ZNF107: variants seen among roughly 807,000 people sequenced by gnomAD.
The protein encoded by ZNF107 is C2H2 type zinc-finger protein.
ZNF107 carries 19 observed loss-of-function variants against 12.3 expected under a neutral mutation model. The observed-to-expected ratio is 1.55, with a 90% confidence interval of 1.08 to 2.27. The LOEUF (loss-of-function observed/expected upper bound fraction) is 2.27, where lower values mean the gene tolerates loss of function less well. ZNF107 is among the 30% of genes most tolerant of loss of function. The probability of loss-of-function intolerance (pLI) is 0.00; values close to 1 mark genes in which losing one functional copy is unlikely to be tolerated. For synonymous variants in ZNF107, 317 were observed against 330.5 expected (o/e 0.96, Z 0.44); for missense variants, 958 against 979.9 (o/e 0.98, Z 0.30).
intron 3 of ZNF107, among the ~76,000 whole-genome samples, chr7:64,698,455 T>C (rs1457045965): frequency 6.6e-6 from 1 of 152,002 alleles, no homozygotes; most frequent in East Asian, 1.9e-4. Flanking sequence ...ACTGTCTTGC[T>C]CTTGTTGCCC....
At chr7:64,701,870 C>T (rs1790488145) in intron 3 of ZNF107, among the ~76,000 whole-genome samples, 1 of 152,088 alleles carries the variant, frequency 6.6e-6, no homozygotes, top group Non-Finnish European at 1.5e-5. Context: ...TTCAGCCCAC[C>T]TTGGCCTCCC....
At chr7:64,670,135 A>G (rs1387491027) in intron 1 of ZNF107, among the ~76,000 whole-genome samples, 1 of 152,216 alleles carries the variant, frequency 6.6e-6, no homozygotes, top group Non-Finnish European at 1.5e-5. Flanking sequence ...TGAAGTTGTT[A>G]TCGTTTTGAG....
chr7:64,708,339 C>A lies in ZNF107; in HGVS notation c.2242C>A (p.Leu748Ile). The change falls in exon 4 of 4, where the codon CTT (leucine) becomes ATT (isoleucine). Residue 748 changes from leucine (L) to isoleucine (I), a missense_variant. Leu to Ile is a conservative substitution (Grantham distance 5, BLOSUM62 2). Transcript: ENST00000620827. ...CAAAGCTTTTAACCTATCCTCAACC[C>A]TTACTGCACATAAGAAAATTCATAC... ...CGKAFNLSST[L>I]TAHKKIHTGE... The A allele has an allele frequency of 6.2e-7, 1 of 1,613,134 alleles. No individual in the cohort carries two copies. The highest frequency in any genetic ancestry group is 8.5e-7 in the Non-Finnish European group (1 of 1,179,724).
intron 3 of ZNF107, among the ~76,000 whole-genome samples, chr7:64,695,933 G>A (rs551813911): frequency 4.7e-4 from 72 of 152,176 alleles, no homozygotes; most frequent in African/African-American, 1.7e-3. Flanking sequence ...CTATTGAAGT[G>A]TACATTTCAA....
intron 1 of ZNF107, among the ~76,000 whole-genome samples, chr7:64,687,801 G>A (rs28497834): frequency 0.087 from 13,291 of 152,182 alleles, 920 homozygotes; most frequent in East Asian, 0.27. Context: ...TGGTTGAATT[G>A]TGTAATAAAA....
chr7:64,686,502 A>G, intron 1 of ZNF107: 1 of 985,374 alleles, frequency 1.0e-6, no homozygotes, highest in Non-Finnish European at 1.2e-6. Flanking sequence ...CGCTCGAAGA[A>G]TCCCTGAGAA....
intron 3 of ZNF107, among the ~76,000 whole-genome samples, chr7:64,696,094 G>T (rs1042240716): frequency 6.6e-6 from 1 of 151,036 alleles, no homozygotes; most frequent in African/African-American, 2.4e-5. Flanking sequence ...ATGGAGTCTC[G>T]CTCTGTTGCC....
intron 3 of ZNF107, among the ~76,000 whole-genome samples, chr7:64,702,165 T>TG (rs1195544769): frequency 6.6e-6 from 1 of 152,096 alleles, no homozygotes; most frequent in Non-Finnish European, 1.5e-5. Flanking sequence ...ATTTTTTTTT[T>TG]TGAGACGGAG....
chr7:64,692,540 T>C (rs961013701), intron 3 of ZNF107, among the ~76,000 whole-genome samples: 7 of 152,306 alleles, frequency 4.6e-5, no homozygotes, highest in African/African-American at 1.7e-4. Flanking sequence ...AATTCTATTT[T>C]TCATTACTGT....
intron 1 of ZNF107, among the ~76,000 whole-genome samples, chr7:64,683,900 A>G (rs1341534761): frequency 2.0e-5 from 3 of 152,128 alleles, no homozygotes; most frequent in East Asian, 1.9e-4. Flanking sequence ...GGCCTTCCCT[A>G]CTGGATCTGA....
chr7:64,691,158 C>G, intron 1 of ZNF107, 90 bp from the exon 2 acceptor site: 2 of 1,170,604 alleles, frequency 1.7e-6, no homozygotes, highest in Non-Finnish European at 2.1e-6. Context: ...AGGCATGAAC[C>G]ACAGTACCCG....
At chr7:64,674,892 G>A (rs1342762916) in intron 1 of ZNF107, among the ~76,000 whole-genome samples, 2 of 152,140 alleles carry the variant, frequency 1.3e-5, no homozygotes. Flanking sequence ...TTCTGTTTAT[G>A]TGATGAATCA....
rs1790683348 is a variant in ZNF107 at position 64,707,153 on chromosome 7, A to T, written c.1056A>T (p.Ile352=). Residue 352 remains isoleucine, a synonymous_variant, in exon 4 of 4, where the codon ATA becomes ATT. Transcript: ENST00000620827. The part of the protein sequence containing the change: ...KCKECGRAFN[I]SSNLNKQEKI... ...AAGAATGTGGCAGAGCTTTTAACAT[A>T]TCCTCAAACCTTAATAAACAGGAGA... 1 of 1,613,694 alleles carries T rather than the reference A, an allele frequency of 6.2e-7. No homozygotes were observed. Among genetic ancestry groups the T allele is most frequent in the Non-Finnish European group, 8.5e-7 (1 of 1,179,792 alleles).
chr7:64,697,052 G>A (rs1790314321), intron 3 of ZNF107, among the ~76,000 whole-genome samples: 1 of 151,704 alleles, frequency 6.6e-6, no homozygotes, highest in African/African-American at 2.4e-5. Flanking sequence ...CCACCTATGA[G>A]TGAGAACATG....
chr7:64,668,606 TAAG>T (rs1789100386), intron 1 of ZNF107, among the ~76,000 whole-genome samples: 1 of 152,128 alleles, frequency 6.6e-6, no homozygotes, highest in African/African-American at 2.4e-5. Context: ...ATTTAAAAGT[TAAG>T]AAAATATTTA....
rs145996593 is a variant in ZNF107, at chr7:64,708,561, T to G, written c.2464T>G (p.Tyr822Asp). Residue 822 changes from tyrosine to aspartate, a missense_variant, in exon 4 of 4, where the codon TAT becomes GAT. Coordinates refer to ENST00000620827, the MANE Select transcript of ZNF107 (RefSeq NM_001282359.2). ...AGAGAAACCCTACAAATGTGGAGAT[T>G]ATGGCAGAGCTTTCAACCTATCCTC... ...TGEKPYKCGD[Y>D]GRAFNLSSNL... The G allele has an allele frequency of 3.2e-5, 51 of 1,612,678 alleles. No individual in the cohort carries two copies. The African/African-American group carries it at 4.5e-4, about 14-fold the overall frequency.
chr7:64,708,936 G>T lies in ZNF107; in HGVS notation c.*280G>T, dbSNP rs925893950. 6.2e-6 allele frequency: 3 copies of T among 481,508 alleles called. No homozygotes were observed. Among genetic ancestry groups the T allele is most frequent in the Admixed American group, 3.3e-5 (1 of 29,944 alleles). 29.8% of individuals were successfully genotyped at this position (481,508 alleles called of 1,614,324 possible). On this transcript the variant is annotated 3_prime_UTR_variant, in exon 4 of 4. Coordinates refer to ENST00000620827, the MANE Select transcript of ZNF107 (RefSeq NM_001282359.2). ...ATCCTCAACTTTTACTAAACATAAGGTAATTCATACTGGAGAAAAGCCATA... is the reference window on the plus strand; with the variant it reads ...ATCCTCAACTTTTACTAAACATAAGTTAATTCATACTGGAGAAAAGCCATA...
chr7:64,681,702 A>G (rs1324241865), intron 1 of ZNF107, among the ~76,000 whole-genome samples: 2 of 152,060 alleles, frequency 1.3e-5, no homozygotes, highest in African/African-American at 4.8e-5. Flanking sequence ...AAGCCTTTTT[A>G]CCCACTTTTT....
In ZNF107 at chr7:64,709,836, G is replaced by C. The variant is rs899334740; in HGVS notation, c.*1180G>C. 2.3e-6 allele frequency: 1 copy of C among 430,904 alleles called. No individual in the cohort carries two copies. The highest frequency in any genetic ancestry group is 2.1e-5 in the African/African-American group (1 of 48,070). 26.7% of individuals were successfully genotyped at this position (430,904 alleles called of 1,614,324 possible). On this transcript the variant is annotated 3_prime_UTR_variant, in exon 4 of 4. Coordinates refer to ENST00000620827, the MANE Select transcript of ZNF107 (RefSeq NM_001282359.2). ...AGAAAATATAAGCCTTTAAAGTGAA[G>C]AAGAGGAGCCAGTTGTGCTGGCTCA...
Sources: allele counts gnomAD v4.1 joint callset (sites outside exome capture counted in the v4.1 genomes callset), GRCh38; gene constraint gnomAD v4.1.1; transcripts MANE v1.5; gene names NCBI Gene and HGNC (gene_info 2026-07-23, HGNC 2026-07-21).